CACNA2D3: variants seen among roughly 807,000 people sequenced by gnomAD.
CACNA2D3 encodes calcium voltage-gated channel auxiliary subunit alpha2delta 3, also known as voltage-dependent calcium channel subunit alpha-2/delta-3.
CACNA2D3 carries 60 observed loss-of-function variants against 160.6 expected under a neutral mutation model. That is an observed-to-expected ratio of 0.37 (90% confidence interval 0.30 to 0.46). CACNA2D3 has a LOEUF of 0.46. Ranked by LOEUF, CACNA2D3 falls within the 20% of genes least tolerant of loss-of-function variation. CACNA2D3 has a pLI of 1.00. For synonymous variants in CACNA2D3, 558 were observed against 492.9 expected (o/e 1.13, Z -1.75); for missense variants, 1,205 against 1,365.0 (o/e 0.88, Z 1.85).
chr3:54,745,930 A>G (rs891514450), intron 11 of CACNA2D3, among the ~76,000 whole-genome samples: 9 of 152,128 alleles, frequency 5.9e-5, no homozygotes, highest in African/African-American at 2.2e-4. Context: ...ATAATCATCT[A>G]TGATATTCGT....
intron 2 of CACNA2D3, among the ~76,000 whole-genome samples, chr3:54,154,920 T>C (rs1239665956): frequency 1.3e-5 from 2 of 152,226 alleles, no homozygotes; most frequent in Admixed American, 6.5e-5. Flanking sequence ...ATACTTATTG[T>C]TTTTCTATAA....
intron 29 of CACNA2D3, among the ~76,000 whole-genome samples, chr3:54,982,944 CTTG>C (rs779677933): frequency 6.6e-5 from 10 of 152,194 alleles, no homozygotes; most frequent in Non-Finnish European, 4.4e-5. Context: ...GTCTTTATGA[CTTG>C]TTGTATCTTA....
intron 4 of CACNA2D3, among the ~76,000 whole-genome samples, chr3:54,472,593 A>G (rs1038420492): frequency 1.3e-5 from 2 of 152,196 alleles, no homozygotes; most frequent in Non-Finnish European, 2.9e-5. Flanking sequence ...AAGAAGTCAA[A>G]TTGTGTCTGT....
At position 54,354,015 on chromosome 3, in the gene CACNA2D3, T is replaced by A. The variant is rs377119474; in HGVS notation, c.322-32700T>A. ...GCTTTGGCCATTATTTTCTTTCCCCTTTAGTGTTTACTCTGTCAAATATTT... is the reference window on the plus strand; with the variant it reads ...GCTTTGGCCATTATTTTCTTTCCCCATTAGTGTTTACTCTGTCAAATATTT... On this transcript the variant is annotated intron_variant, in intron 3 of 37. Coordinates refer to ENST00000474759, the MANE Select transcript of CACNA2D3 (RefSeq NM_018398.3). Among the ~76,000 whole-genome samples the A allele has an allele frequency of 1.5e-3, 233 of 152,320 alleles. 8 individuals carry two copies. In the South Asian group the frequency reaches 0.046, roughly 30 times the overall value.
intron 4 of CACNA2D3, among the ~76,000 whole-genome samples, chr3:54,500,917 TTC>T (rs1701284611): frequency 6.6e-6 from 1 of 152,228 alleles, no homozygotes; most frequent in Non-Finnish European, 1.5e-5. Context: ...GAAATTTATT[TTC>T]TCACAGTTCT....
intron 3 of CACNA2D3, among the ~76,000 whole-genome samples, chr3:54,324,205 T>C (rs1056973577): frequency 6.6e-6 from 1 of 152,202 alleles, no homozygotes; most frequent in Admixed American, 6.5e-5. Context: ...CTGTCTCTTC[T>C]GGCTTGATTT....
chr3:54,846,349 A>C, intron 16 of CACNA2D3, 44 bp from the exon 17 acceptor site: 1 of 1,317,584 alleles, frequency 7.6e-7, no homozygotes, highest in Non-Finnish European at 1.1e-6. Flanking sequence ...TGAATTCACC[A>C]GGGAGCAAGC....
intron 14 of CACNA2D3, among the ~76,000 whole-genome samples, chr3:54,833,177 C>G (rs535544596): frequency 3.9e-4 from 60 of 152,262 alleles, no homozygotes; most frequent in Admixed American, 9.8e-4. Context: ...TCCTTTGATA[C>G]CCAAATGGTC....
chr3:54,332,363 G>T (rs1255497398), intron 3 of CACNA2D3, among the ~76,000 whole-genome samples: 1 of 152,186 alleles, frequency 6.6e-6, no homozygotes, highest in Non-Finnish European at 1.5e-5. Flanking sequence ...TGAGTTGTTA[G>T]CATTTAAAAA....
intron 4 of CACNA2D3, among the ~76,000 whole-genome samples, chr3:54,458,621 A>G (rs1227549199): frequency 6.6e-6 from 1 of 151,808 alleles, no homozygotes; most frequent in Non-Finnish European, 1.5e-5. Context: ...CAGACTTTTG[A>G]CAATTTGACT....
intron 3 of CACNA2D3, among the ~76,000 whole-genome samples, chr3:54,383,392 A>C (rs1257018035): frequency 6.6e-6 from 1 of 152,146 alleles, no homozygotes; most frequent in Admixed American, 6.5e-5. Flanking sequence ...AGGTTGGGAC[A>C]ACCCGGTGGG....
intron 29 of CACNA2D3, among the ~76,000 whole-genome samples, chr3:54,981,355 A>G (rs1702503731): frequency 6.6e-6 from 1 of 152,184 alleles, no homozygotes; most frequent in Admixed American, 6.5e-5. Flanking sequence ...GATTCACTAC[A>G]GTTTAAGACT....
chr3:54,934,658 G>A (rs1701284989), intron 27 of CACNA2D3, among the ~76,000 whole-genome samples: 1 of 152,164 alleles, frequency 6.6e-6, no homozygotes. Flanking sequence ...GCCAGGTTCT[G>A]TGTAGACTAG....
In CACNA2D3 at chr3:54,141,788, C is replaced by G. The variant is rs570369153; in HGVS notation, c.204+18194C>G. On this transcript the variant is annotated intron_variant, in intron 2 of 37. Coordinates refer to ENST00000474759, the MANE Select transcript of CACNA2D3 (RefSeq NM_018398.3). ...ACTGCCTTGGTCCCCAGCAGAAGCA[C>G]AAGAAAACAACCTGAATTTGATAAT... Among the ~76,000 whole-genome samples the G allele has an allele frequency of 6.6e-5, 10 of 152,312 alleles. No homozygotes were observed. The East Asian group carries it at 1.9e-3, about 29-fold the overall frequency.
chr3:55,069,137 A>G (rs1226359882), intron 35 of CACNA2D3, among the ~76,000 whole-genome samples: 4 of 152,126 alleles, frequency 2.6e-5, no homozygotes, highest in Non-Finnish European at 5.9e-5. Flanking sequence ...TTCCTCTTCT[A>G]TGAATTGTCT....
intron 5 of CACNA2D3, among the ~76,000 whole-genome samples, chr3:54,528,045 T>C (rs1701751810): frequency 6.6e-6 from 1 of 152,176 alleles, no homozygotes; most frequent in Admixed American, 6.5e-5. Flanking sequence ...GCCAGAAATG[T>C]TTAAGTTCTC....
rs563365059 is a variant in CACNA2D3 at position 54,831,839 on chromosome 3, C to T, written c.1399-5320C>T. Among the ~76,000 whole-genome samples, 4 of 152,148 alleles carry T rather than the reference C, an allele frequency of 2.6e-5. No individual in the cohort carries two copies. The East Asian group carries it at 7.7e-4, about 29-fold the overall frequency. On this transcript the variant is annotated intron_variant, in intron 14 of 37. Transcript: ENST00000474759. ...TTGGTATGTCTAAGAGTTACAAATC[C>T]ATTTCATGCTCATTGAAGCTAAAAG...
intron 11 of CACNA2D3, among the ~76,000 whole-genome samples, chr3:54,690,036 A>G (rs1035310974): frequency 6.6e-5 from 10 of 151,786 alleles, no homozygotes; most frequent in Non-Finnish European, 1.5e-4. Flanking sequence ...TGCCTCTACA[A>G]CTTTGCACTG....
chr3:54,761,846 C>T (rs145413450), intron 12 of CACNA2D3, among the ~76,000 whole-genome samples: 217 of 152,286 alleles, frequency 1.4e-3, no homozygotes, highest in African/African-American at 4.8e-3. Context: ...GGTTGGCACA[C>T]CAAATTCAAA....
Sources: allele counts gnomAD v4.1 joint callset (sites outside exome capture counted in the v4.1 genomes callset), GRCh38; gene constraint gnomAD v4.1.1; transcripts MANE v1.5; gene names NCBI Gene and HGNC (gene_info 2026-07-23, HGNC 2026-07-21).